The following KLHL1 variants were observed in gnomAD, a reference collection of about 807,000 sequenced individuals.
KLHL1 encodes the protein kelch like family member 1, also known as kelch-like protein 1.
A neutral mutation model predicts 77.7 loss-of-function variants in KLHL1; 47 were observed. That is an observed-to-expected ratio of 0.60 (90% confidence interval 0.48 to 0.77). The LOEUF is 0.77. Among genes scored for constraint, KLHL1 ranks in the 30% least tolerant of loss-of-function variants. The probability of loss-of-function intolerance (pLI) is 0.00; values close to 1 mark genes in which losing one functional copy is unlikely to be tolerated. For missense variants in KLHL1, 925 were observed against 910.8 expected, an observed-to-expected ratio of 1.02 and a Z score of -0.20; for synonymous variants, 360 against 325.2, an observed-to-expected ratio of 1.11 and a Z score of -1.15.
intron 4 of KLHL1, among the ~76,000 whole-genome samples, chr13:69,907,136 G>A (rs889406428): frequency 1.3e-5 from 2 of 151,980 alleles, no homozygotes; most frequent in African/African-American, 4.8e-5. Context: ...CAGTTGATAG[G>A]TTGGTAACAT....
At chr13:69,956,183 T>C (rs569836809) in intron 3 of KLHL1, among the ~76,000 whole-genome samples, 1 of 144,600 alleles carries the variant, frequency 6.9e-6, no homozygotes, top group South Asian at 2.1e-4. Context: ...ATTATATATC[T>C]GATATATATA....
intron 1 of KLHL1, among the ~76,000 whole-genome samples, chr13:69,997,231 GAATA>G (rs1057231237): frequency 4.6e-5 from 7 of 151,050 alleles, no homozygotes; most frequent in Non-Finnish European, 8.9e-5. Context: ...AAAAATAAAT[GAATA>G]AATAATAAAA....
Position 69,975,708 on chromosome 13 carries a change from T to A in KLHL1, c.592A>T (p.Thr198Ser). Residue 198 changes from threonine (T) to serine (S), a missense_variant, in exon 2 of 11, where the codon ACC becomes TCC. By Grantham distance (58) the Thr-to-Ser change is moderately conservative. Coordinates refer to ENST00000377844, the MANE Select transcript of KLHL1 (RefSeq NM_020866.3). ...FYQAVHHAEQ[T>S]FRKMESYLKQ... Reference sequence around the variant, plus strand: ...AAATAACTTTCCATCTTTCTGAAGGTTTGCTCAGCATGATGAACAGCTTGA... The same window carrying A: ...AAATAACTTTCCATCTTTCTGAAGGATTGCTCAGCATGATGAACAGCTTGA... The A allele has an allele frequency of 6.2e-7, 1 of 1,613,682 alleles. No individual in the cohort carries two copies. The highest frequency in any genetic ancestry group is 8.5e-7 in the Non-Finnish European group (1 of 1,179,824).
At chr13:69,914,034 C>T (rs1050468481) in intron 4 of KLHL1, among the ~76,000 whole-genome samples, 1 of 152,086 alleles carries the variant, frequency 6.6e-6, no homozygotes, top group South Asian at 2.1e-4. Flanking sequence ...AGTCTTCTGG[C>T]CTACATTCTT....
chr13:69,817,419 T>C (rs1274588629), intron 6 of KLHL1, among the ~76,000 whole-genome samples: 2 of 152,024 alleles, frequency 1.3e-5, no homozygotes, highest in East Asian at 3.8e-4. Flanking sequence ...TGTTTTCCTT[T>C]TTCATAAATG....
chr13:69,964,646 T>C (rs1408482273), intron 2 of KLHL1, among the ~76,000 whole-genome samples: 2 of 152,148 alleles, frequency 1.3e-5, no homozygotes, highest in Non-Finnish European at 2.9e-5. Flanking sequence ...GAATGCTACA[T>C]AGACTGTTCA....
rs946240692 is a variant in KLHL1, at chr13:69,826,744, T to G, written c.1414+12232A>C. ...AACCTTAAATATATAAAACCCTTATTTTTAAATTGAAAAATAAATAAAAGT... is the reference window on the plus strand; with the variant it reads ...AACCTTAAATATATAAAACCCTTATGTTTAAATTGAAAAATAAATAAAAGT... On this transcript the variant is annotated intron_variant, in intron 6 of 10. Coordinates refer to ENST00000377844, the MANE Select transcript of KLHL1 (RefSeq NM_020866.3). Among the ~76,000 whole-genome samples the G allele has an allele frequency of 4.0e-5, 6 of 151,200 alleles. No homozygotes were observed. The East Asian group carries it at 1.2e-3, about 29-fold the overall frequency.
intron 1 of KLHL1, among the ~76,000 whole-genome samples, chr13:70,067,524 C>T (rs1887038528): frequency 6.6e-6 from 1 of 152,088 alleles, no homozygotes; most frequent in East Asian, 1.9e-4. Context: ...CAGATGATCT[C>T]AGGCCCAGGC....
intron 1 of KLHL1, among the ~76,000 whole-genome samples, chr13:70,064,479 A>G (rs1886961114): frequency 6.6e-6 from 1 of 152,224 alleles, no homozygotes; most frequent in South Asian, 2.1e-4. Context: ...TAACATTTAC[A>G]GAGTTGTTAT....
At chr13:69,781,604 C>G (rs192759954) in intron 7 of KLHL1, among the ~76,000 whole-genome samples, 1 of 152,028 alleles carries the variant, frequency 6.6e-6, no homozygotes, top group Non-Finnish European at 1.5e-5. Flanking sequence ...TTCTCATTAG[C>G]TTAGGTTTTG....
intron 1 of KLHL1, among the ~76,000 whole-genome samples, chr13:70,030,875 GA>G (rs1566514971): frequency 6.6e-6 from 1 of 151,818 alleles, no homozygotes; most frequent in Admixed American, 6.6e-5. Context: ...AAAGAGAGAA[GA>G]ATCAAATAGA....
chr13:69,790,715 G>C (rs545506338), intron 7 of KLHL1, among the ~76,000 whole-genome samples: 2 of 152,186 alleles, frequency 1.3e-5, no homozygotes, highest in Non-Finnish European at 2.9e-5. Flanking sequence ...TATTTCAATA[G>C]ATACAGGAAA....
chr13:70,095,926 A>G (rs1887779365), intron 1 of KLHL1, among the ~76,000 whole-genome samples: 1 of 151,892 alleles, frequency 6.6e-6, no homozygotes, highest in African/African-American at 2.4e-5. Context: ...GTTCCCAGAT[A>G]TGAGTGAGAA....
intron 1 of KLHL1, among the ~76,000 whole-genome samples, chr13:70,091,464 C>T (rs777761412): frequency 4.6e-5 from 7 of 152,000 alleles, no homozygotes; most frequent in Admixed American, 3.3e-4. Flanking sequence ...TACCTGGGAC[C>T]GGCCATCTCC....
At chr13:70,024,620 T>TTCTCTCTCTCTCTCTCTCTCTTTCTC (rs1555291451) in intron 1 of KLHL1, among the ~76,000 whole-genome samples, 1 of 130,288 alleles carries the variant, frequency 7.7e-6, no homozygotes, top group African/African-American at 2.6e-5. Flanking sequence ...GAGAAAAGAT[T>TTCTCTCTCTCTCTCTCTCTCTTTCTC]TCTCTCTCTC....
rs552329845 is a variant in KLHL1 at position 69,999,479 on chromosome 13, G to A, written c.498-23677C>T. On this transcript the variant is annotated intron_variant, in intron 1 of 10. Transcript: ENST00000377844. ...ATTATAAAAACTTTGAGCTTGAAAG[G>A]TTTGACAGACCTAATTTCAAGTATA... Among the ~76,000 whole-genome samples the A allele has an allele frequency of 1.4e-4, 21 of 152,152 alleles. No homozygotes were observed. In the East Asian group the frequency reaches 3.7e-3, roughly 27 times the overall value.
chr13:70,024,123 G>T (rs1885872891), intron 1 of KLHL1, among the ~76,000 whole-genome samples: 1 of 151,706 alleles, frequency 6.6e-6, no homozygotes, highest in South Asian at 2.1e-4. Flanking sequence ...GGATGGTATG[G>T]CGTAGACGAT....
At chr13:69,760,042 T>C (rs946667105) in intron 7 of KLHL1, among the ~76,000 whole-genome samples, 1 of 152,184 alleles carries the variant, frequency 6.6e-6, no homozygotes, top group Non-Finnish European at 1.5e-5. Context: ...ACCTCTTCTT[T>C]TACAAAAGGT....
At chr13:69,862,219 G>A (rs892848004) in intron 5 of KLHL1, among the ~76,000 whole-genome samples, 1 of 151,680 alleles carries the variant, frequency 6.6e-6, no homozygotes, top group Admixed American at 6.6e-5. Context: ...AAATCTTGAG[G>A]TGGATAGAGG....
Sources: allele counts gnomAD v4.1 joint callset (sites outside exome capture counted in the v4.1 genomes callset), GRCh38; gene constraint gnomAD v4.1.1; transcripts MANE v1.5; gene names NCBI Gene and HGNC (gene_info 2026-07-23, HGNC 2026-07-21).